Variants in RCBTB2 observed in about 807,000 individuals in gnomAD.
RCBTB2 encodes RCC1 and BTB domain-containing protein 2.
RCBTB2 carries 55 observed loss-of-function variants against 65.4 expected under a neutral mutation model. That is an observed-to-expected ratio of 0.84 (90% CI 0.68 to 1.05). The LOEUF (loss-of-function observed/expected upper bound fraction) is 1.05, where lower values mean the gene tolerates loss of function less well. Among genes scored for constraint, RCBTB2 ranks in the 50% least tolerant of loss-of-function variants. RCBTB2 has a pLI of 0.00. For missense variants in RCBTB2, 599 were observed against 680.1 expected (o/e 0.88, Z 1.33); for synonymous variants, 220 against 255.2 (o/e 0.86, Z 1.31).
intron 9 of RCBTB2, 111 bp downstream of exon 9, chr13:48,511,659 T>C: frequency 1.1e-6 from 1 of 879,986 alleles, no homozygotes; most frequent in Non-Finnish European, 1.7e-6. Context: ...AATGAAGACA[T>C]CCAAGCAGCT....
intron 4 of RCBTB2, among the ~76,000 whole-genome samples, chr13:48,517,009 A>G (rs1389189109): frequency 6.6e-6 from 1 of 152,208 alleles, no homozygotes; most frequent in Admixed American, 6.5e-5. Context: ...AATCAACCTT[A>G]CCGGGAATGT....
At position 48,512,794 on chromosome 13, in the gene RCBTB2, T is replaced by C. The variant is rs545178348; in HGVS notation, c.451A>G (p.Asn151Asp). 29 of 1,613,958 alleles carry C rather than the reference T, an allele frequency of 1.8e-5. No individual in the cohort carries two copies. Among genetic ancestry groups the C allele is most frequent in the African/African-American group, 8.0e-5 (6 of 74,930 alleles). Residue 151 changes from asparagine (N) to aspartate (D), a missense_variant, in exon 7 of 15, where the codon AAC becomes GAC. Coordinates refer to ENST00000344532, the MANE Select transcript of RCBTB2 (RefSeq NM_001268.4). ...VPCHISTNLS[N>D]KQVIEVACGS... The stretch of plus-strand genomic sequence containing the variant: ...CAGGCAACTTCAATGACTTGTTTGT[T>C]TGACAGATTAGTAGAGATATGACAG...
chr13:48,502,347 G>C (rs181175856), intron 11 of RCBTB2, among the ~76,000 whole-genome samples: 138 of 151,936 alleles, frequency 9.1e-4, no homozygotes, highest in African/African-American at 3.3e-3. Context: ...CTTTAAATTA[G>C]CCAGGCATGG....
At chr13:48,535,682 C>A (rs1426475818), upstream of RCBTB2, 1 of 456,608 alleles carries the variant, frequency 2.2e-6, no homozygotes, top group African/African-American at 2.0e-5. Context: ...CATTATCTCA[C>A]CTGAACTATC....
chr13:48,502,608 T>C, intron 11 of RCBTB2, 116 bp downstream of exon 11: 1 of 1,031,230 alleles, frequency 9.7e-7, no homozygotes, highest in Non-Finnish European at 1.4e-6. Flanking sequence ...TAGAAGCCCA[T>C]CAGAGAGAAA....
intron 2 of RCBTB2, among the ~76,000 whole-genome samples, 180 bp downstream of exon 2, chr13:48,524,479 A>G (rs1411981373): frequency 6.6e-6 from 1 of 152,220 alleles, no homozygotes; most frequent in Non-Finnish European, 1.5e-5. Flanking sequence ...AACGTGACCA[A>G]TAGTCACCAA....
At chr13:48,498,032 A>C (rs1950054902) in intron 13 of RCBTB2, among the ~76,000 whole-genome samples, 2 of 152,246 alleles carry the variant, frequency 1.3e-5, no homozygotes, top group Admixed American at 1.3e-4. Context: ...GACTGCCTGC[A>C]TAATTGGCCT....
At position 48,524,506 on chromosome 13, in the gene RCBTB2, C is replaced by T. The variant is rs76655313; in HGVS notation, c.-120+153G>A. On this transcript the variant is annotated intron_variant, in intron 2 of 14. Coordinates refer to ENST00000344532, the MANE Select transcript of RCBTB2 (RefSeq NM_001268.4). The stretch of plus-strand genomic sequence containing the variant: ...AGTCACCAACCAATCAGTGTCAGAG[C>T]CAGTATTTGAACCAGGACTATTCCA... 2.2e-3 allele frequency among the ~76,000 whole-genome samples: 334 copies of T among 152,256 alleles called. 1 individual carries two copies. Among genetic ancestry groups the T allele is most frequent in the African/African-American group, 7.5e-3 (312 of 41,560 alleles).
intron 12 of RCBTB2, among the ~76,000 whole-genome samples, chr13:48,501,377 A>G (rs1950223916): frequency 6.6e-6 from 1 of 152,152 alleles, no homozygotes; most frequent in African/African-American, 2.4e-5. Context: ...TGATTATAAG[A>G]AGGTGATTAT....
At position 48,510,686 on chromosome 13, in the gene RCBTB2, C is replaced by G. The variant is rs1244595905; in HGVS notation, c.869G>C (p.Gly290Ala). 1.2e-6 allele frequency: 2 copies of G among 1,614,138 alleles called. No homozygotes were observed. Among genetic ancestry groups the G allele is most frequent in the Middle Eastern group, 1.6e-4 (1 of 6,062 alleles). The change falls in exon 10 of 15, where the codon GGC becomes GCC. Residue 290 changes from glycine to alanine, a missense_variant. Gly to Ala is a moderately conservative substitution (Grantham distance 60, BLOSUM62 0). Coordinates refer to ENST00000344532, the MANE Select transcript of RCBTB2 (RefSeq NM_001268.4). ...AWGANSYGQL[G>A]TGNKSNQSYP... The stretch of plus-strand genomic sequence containing the variant: ...GGACTGGTTGCTTTTATTGCCAGTG[C>G]CCAACTGCCCATAAGAATTGGCGCC...
At chr13:48,505,931 G>A (rs979618025) in intron 10 of RCBTB2, among the ~76,000 whole-genome samples, 4 of 152,196 alleles carry the variant, frequency 2.6e-5, no homozygotes, top group South Asian at 2.1e-4. Flanking sequence ...TGATTTAGCT[G>A]AGGAACTCAT....
intron 3 of RCBTB2, 78 bp downstream of exon 3, chr13:48,522,230 T>C: frequency 2.0e-6 from 2 of 992,384 alleles, no homozygotes; most frequent in South Asian, 1.4e-5. Flanking sequence ...CATGGGTCCT[T>C]AACTCTATAA....
In RCBTB2 at chr13:48,533,062, C is replaced by T. The variant is rs1237727052; in HGVS notation, c.-253G>A. 1 of 454,594 alleles carries T rather than the reference C, an allele frequency of 2.2e-6. No individual in the cohort carries two copies. The highest frequency in any genetic ancestry group is 7.1e-5 in the East Asian group (1 of 14,150). The allele number at this position is 454,594 out of a possible 1,614,324, so 28.2% of individuals were successfully genotyped here. On this transcript the variant is annotated 5_prime_UTR_variant, in exon 1 of 15. Transcript: ENST00000344532. ...GGCCGGAGCCTTGTCCGCTCCGCCT[C>T]CTGGGTAGCGGTTACTGCACGGTCA...
intron 13 of RCBTB2, among the ~76,000 whole-genome samples, chr13:48,496,569 TTAA>T (rs1423075512): frequency 6.6e-6 from 1 of 151,472 alleles, no homozygotes; most frequent in African/African-American, 2.4e-5. Context: ...GAAAATAGCT[TTAA>T]TATTTTTTTC....
chr13:48,528,516 T>C (rs898525285), intron 1 of RCBTB2, among the ~76,000 whole-genome samples: 9 of 152,130 alleles, frequency 5.9e-5, no homozygotes, highest in African/African-American at 2.2e-4. Context: ...AATATCGATA[T>C]CTTTTAGGGT....
At chr13:48,511,570 A>G (rs1473342455) in intron 9 of RCBTB2, among the ~76,000 whole-genome samples, 200 bp downstream of exon 9, 2 of 152,350 alleles carry the variant, frequency 1.3e-5, no homozygotes, top group East Asian at 1.9e-4. Context: ...TCCAAAAGGT[A>G]TGTGACAGTG....
chr13:48,493,760 CTG>C (rs1005509362), intron 14 of RCBTB2, among the ~76,000 whole-genome samples: 7 of 152,084 alleles, frequency 4.6e-5, no homozygotes, highest in African/African-American at 1.2e-4. Flanking sequence ...GCTGTCTTCC[CTG>C]TCTTACTTCT....
In RCBTB2 at chr13:48,501,746, T is replaced by A; in HGVS notation, c.1240A>T (p.Ile414Phe). The A allele has an allele frequency of 6.2e-7, 1 of 1,610,048 alleles. No homozygotes were observed. Among genetic ancestry groups the A allele is most frequent in the Non-Finnish European group, 8.5e-7 (1 of 1,177,030 alleles). The change falls in exon 12 of 15, where the codon ATT (isoleucine) becomes TTT (phenylalanine). Residue 414 changes from isoleucine to phenylalanine, a missense_variant. Coordinates refer to ENST00000344532, the MANE Select transcript of RCBTB2 (RefSeq NM_001268.4). ...CTCAAATAAATGATTCCTTACCGAA[T>A]CTTGAGAAGGACTTTATGTGCATAA... ...YIYAHKVLLKIRCEHFRSSLE... is the reference protein window; with the variant it reads ...YIYAHKVLLKFRCEHFRSSLE...
chr13:48,493,313 A>ACC lies in RCBTB2; in HGVS notation c.1515+2877_1515+2878insGG, dbSNP rs1213235186. On this transcript the variant is annotated intron_variant, in intron 14 of 14. Transcript: ENST00000344532. ...TCCACACACACACACACACACACAC[A>ACC]CACTCTCTCTCTCTCTCTCTCTCTC... Among the ~76,000 whole-genome samples, 8 of 60,144 alleles carry ACC rather than the reference A, an allele frequency of 1.3e-4. No homozygotes were observed. In the East Asian group the frequency reaches 3.5e-3, roughly 26 times the overall value. The allele number at this position is 60,144 out of a possible 152,430, so 39.5% of individuals were successfully genotyped here. A position where few individuals can be genotyped will look rare whatever the true frequency, so the allele number is the denominator to read the frequency against.
Sources: gnomAD v4.1 joint callset for allele counts (sites outside exome capture counted in the v4.1 genomes callset) on GRCh38, gnomAD v4.1.1 for gene constraint, MANE v1.5 for transcripts, NCBI Gene and HGNC (gene_info 2026-07-23, HGNC 2026-07-21) for gene names.